The following ARB2A variants were observed in gnomAD, a reference collection of about 807,000 sequenced individuals.
The protein encoded by ARB2A is cotranscriptional regulator ARB2A.
chr5:94,080,376 T>C, the ARB2A span, among the ~76,000 whole-genome samples: 1 of 152,178 alleles, frequency 6.6e-6, no homozygotes, highest in Non-Finnish European at 1.5e-5. Flanking sequence ...ATAACAGTAA[T>C]AACACATTTG....
chr5:93,962,543 A>C, the ARB2A span, among the ~76,000 whole-genome samples: 15 of 151,960 alleles, frequency 9.9e-5, no homozygotes, highest in African/African-American at 3.6e-4. Flanking sequence ...CATCACCAGG[A>C]AAAAAAAGGT....
chr5:93,991,602 C>T, the ARB2A span, among the ~76,000 whole-genome samples: 33 of 151,560 alleles, frequency 2.2e-4, no homozygotes, highest in African/African-American at 7.3e-4. Flanking sequence ...AAAAATGGAA[C>T]TGCCAAGAAC....
At chr5:93,739,400 A>C in the ARB2A span, 1 of 152,192 alleles carries the variant, frequency 6.6e-6, no homozygotes, top group African/African-American at 2.4e-5. Context: ...ATAAGTAAAA[A>C]AGCTTATACT....
At chr5:93,762,282 C>T in the ARB2A span, among the ~76,000 whole-genome samples, 1 of 152,152 alleles carries the variant, frequency 6.6e-6, no homozygotes, top group East Asian at 1.9e-4. Context: ...GAATCCAAGG[C>T]AAAGAAGTTA....
the ARB2A span, among the ~76,000 whole-genome samples, chr5:93,876,882 C>T: frequency 1.3e-5 from 2 of 151,958 alleles, no homozygotes; most frequent in African/African-American, 2.4e-5. Context: ...TCAGAGTTGG[C>T]TGTTTCTAAA....
the ARB2A span, among the ~76,000 whole-genome samples, chr5:94,021,809 T>C: frequency 1.3e-5 from 2 of 152,202 alleles, no homozygotes; most frequent in African/African-American, 2.4e-5. Context: ...CAGTGGCTCA[T>C]GCCTGTAATC....
At chr5:93,955,621 T>A in the ARB2A span, among the ~76,000 whole-genome samples, 21 of 152,254 alleles carry the variant, frequency 1.4e-4, no homozygotes, top group Non-Finnish European at 2.8e-4. Flanking sequence ...ATTTAAACTT[T>A]TACTTTTTTA....
At chr5:93,712,094 G>A in the ARB2A span, among the ~76,000 whole-genome samples, 1 of 152,142 alleles carries the variant, frequency 6.6e-6, no homozygotes, top group African/African-American at 2.4e-5. Flanking sequence ...GGGCAGACTT[G>A]GAAACTTTGA....
the ARB2A span, among the ~76,000 whole-genome samples, chr5:93,860,042 C>A: frequency 6.6e-6 from 1 of 152,148 alleles, no homozygotes; most frequent in Non-Finnish European, 1.5e-5. Context: ...CACCTATAAT[C>A]CCAGCACTTG....
chr5:93,879,963 G>T, the ARB2A span, among the ~76,000 whole-genome samples: 1 of 151,732 alleles, frequency 6.6e-6, no homozygotes, highest in Non-Finnish European at 1.5e-5. Flanking sequence ...TAAGATGGTG[G>T]TTTACAGACT....
chr5:93,779,005 ATAAT>A, the ARB2A span, among the ~76,000 whole-genome samples: 2 of 152,046 alleles, frequency 1.3e-5, no homozygotes, highest in African/African-American at 4.8e-5. Flanking sequence ...TTAACATCCT[ATAAT>A]TAAAGTGAGT....
chr5:94,055,217 G>C, the ARB2A span, among the ~76,000 whole-genome samples: 1 of 152,088 alleles, frequency 6.6e-6, no homozygotes. Context: ...AATAAATAAA[G>C]GTTAGTTAGG....
At chr5:94,091,266 A>C in the ARB2A span, among the ~76,000 whole-genome samples, 3 of 152,232 alleles carry the variant, frequency 2.0e-5, no homozygotes, top group Non-Finnish European at 4.4e-5. Flanking sequence ...GAAATGTCTA[A>C]GTTCTTAGCA....
the ARB2A span, among the ~76,000 whole-genome samples, chr5:93,708,525 A>T: frequency 6.6e-6 from 1 of 152,186 alleles, no homozygotes; most frequent in Non-Finnish European, 1.5e-5. Flanking sequence ...GATTCTCATA[A>T]GAAGCTCAAC....
At chr5:93,680,254 T>C in the ARB2A span, among the ~76,000 whole-genome samples, 7 of 152,110 alleles carry the variant, frequency 4.6e-5, no homozygotes, top group African/African-American at 1.7e-4. Context: ...AACTCTTGTG[T>C]ATTTAAAGGT....
the ARB2A span, among the ~76,000 whole-genome samples, chr5:93,823,406 G>A: frequency 6.6e-6 from 1 of 152,134 alleles, no homozygotes; most frequent in Non-Finnish European, 1.5e-5. Context: ...ATTCTAGTTA[G>A]AAGCAGATTA....
the ARB2A span, among the ~76,000 whole-genome samples, chr5:93,753,762 G>A: frequency 1.3e-5 from 2 of 152,216 alleles, no homozygotes; most frequent in Non-Finnish European, 2.9e-5. Flanking sequence ...CTAAGCTATA[G>A]TAGGGGCAAG....
the ARB2A span, among the ~76,000 whole-genome samples, chr5:93,918,061 T>C: frequency 6.6e-6 from 1 of 152,210 alleles, no homozygotes; most frequent in Non-Finnish European, 1.5e-5. Flanking sequence ...TGACTCTCAA[T>C]GTGGTCCTAA....
At chr5:93,881,587 T>A in the ARB2A span, 1 of 1,611,092 alleles carries the variant, frequency 6.2e-7, no homozygotes, top group South Asian at 1.1e-5. Flanking sequence ...GTTTTTCTGC[T>A]GGTTCATCTG....
Sources: allele counts gnomAD v4.1 joint callset (sites outside exome capture counted in the v4.1 genomes callset), GRCh38; gene constraint gnomAD v4.1.1; transcripts MANE v1.5; gene names NCBI Gene and HGNC (gene_info 2026-07-23, HGNC 2026-07-21).